The following ZNF462 variants were observed in gnomAD, a reference collection of about 807,000 sequenced individuals.
ZNF462 encodes zinc finger PBX1-interacting protein.
ZNF462 carries 10 observed loss-of-function variants against 201.9 expected under a neutral mutation model. That is an observed-to-expected ratio of 0.05 (90% CI 0.03 to 0.08). The LOEUF (loss-of-function observed/expected upper bound fraction) is 0.08. Ranked by LOEUF, ZNF462 falls within the 10% of genes least tolerant of loss-of-function variation. The probability of loss-of-function intolerance (pLI) is 1.00; values close to 1 mark genes in which losing one functional copy is unlikely to be tolerated. For synonymous variants in ZNF462, 1,227 were observed against 1,193.3 expected (o/e 1.03, Z -0.58); for missense variants, 2,523 against 3,168.3 (o/e 0.80, Z 4.89).
chr9:106,983,529 G>C (rs911627878), intron 9 of ZNF462, among the ~76,000 whole-genome samples: 1 of 152,106 alleles, frequency 6.6e-6, no homozygotes, highest in East Asian at 1.9e-4. Flanking sequence ...ACCTTAGAAG[G>C]GGAAATGAGA....
intron 1 of ZNF462, among the ~76,000 whole-genome samples, chr9:106,912,157 G>A (rs16925926): frequency 6.6e-6 from 1 of 152,122 alleles, no homozygotes; most frequent in Non-Finnish European, 1.5e-5. Context: ...CAGTGACTTT[G>A]TTGGCAGTGC....
chr9:107,007,336 T>C (rs1250479887), intron 11 of ZNF462, among the ~76,000 whole-genome samples: 1 of 152,200 alleles, frequency 6.6e-6, no homozygotes, highest in Non-Finnish European at 1.5e-5. Context: ...TATTTTACCC[T>C]ACTTGGCAGC....
In ZNF462 at chr9:106,925,805, A is replaced by G; in HGVS notation, c.1893A>G (p.Lys631=). 1 of 1,614,224 alleles carries G rather than the reference A, an allele frequency of 6.2e-7. No individual in the cohort carries two copies. The highest frequency in any genetic ancestry group is 1.1e-5 in the South Asian group (1 of 91,086). The change falls in exon 3 of 13, where the codon AAA becomes AAG. Residue 631 remains lysine (K), a synonymous_variant. Coordinates refer to ENST00000277225, the MANE Select transcript of ZNF462 (RefSeq NM_021224.6). This position sits in a 1 kb window ranked among gnomAD's most constrained non-coding sequence, Gnocchi z 7.9. ...ATTCATTCTGTGACAACTTGCCAAA[A>G]TTCGAGGGGCAGCCCTCAAGCCTAC... ...HKHSFCDNLP[K]FEGQPSSLPL...
At chr9:106,980,502 G>A (rs1301036003) in intron 9 of ZNF462, among the ~76,000 whole-genome samples, 1 of 152,182 alleles carries the variant, frequency 6.6e-6, no homozygotes. Context: ...CTGCAGTGGT[G>A]TGGTTTCTCG....
rs777250716 is a variant in ZNF462 at position 106,930,518 on chromosome 9, T to C, written c.5848-7T>C. On this transcript the variant is annotated splice_polypyrimidine_tract_variant and splice_region_variant and intron_variant, in intron 3 of 12. Coordinates refer to ENST00000277225, the MANE Select transcript of ZNF462 (RefSeq NM_021224.6). This position sits in a 1 kb window ranked among gnomAD's most constrained non-coding sequence, Gnocchi z 5.8. Reference sequence around the variant, plus strand: ...GAGTACTGATGGCTACCACTGTATTTTACCAGCCTTTTGGTCACTTAGAAG... The same window carrying C: ...GAGTACTGATGGCTACCACTGTATTCTACCAGCCTTTTGGTCACTTAGAAG... The C allele has an allele frequency of 6.2e-7, 1 of 1,614,062 alleles. No individual in the cohort carries two copies. Among genetic ancestry groups the C allele is most frequent in the Admixed American group, 1.7e-5 (1 of 60,022 alleles).
chr9:106,908,240 C>A (rs1175047970), intron 1 of ZNF462, among the ~76,000 whole-genome samples: 1 of 152,080 alleles, frequency 6.6e-6, no homozygotes, highest in Non-Finnish European at 1.5e-5. Flanking sequence ...CTATGAATTA[C>A]ATGAATTTTA....
chr9:106,988,190 T>C (rs115319730), intron 10 of ZNF462, among the ~76,000 whole-genome samples: 1 of 152,120 alleles, frequency 6.6e-6, no homozygotes, highest in Non-Finnish European at 1.5e-5. Context: ...TAGTTCCAGG[T>C]GGCTGGGGAA....
rs1321372096 is a variant in ZNF462 at position 106,919,836 on chromosome 9, T to A, written c.-30-3518T>A. ...GAGGTCTATTTGACCTTGAAGGGCCTAGACATATATCTGGGGTAGAAGACA... is the reference window on the plus strand; with the variant it reads ...GAGGTCTATTTGACCTTGAAGGGCCAAGACATATATCTGGGGTAGAAGACA... On this transcript the variant is annotated intron_variant, in intron 1 of 12. Transcript: ENST00000277225. This position sits in a 1 kb window ranked among gnomAD's most constrained non-coding sequence, Gnocchi z 4.5. Among the ~76,000 whole-genome samples, 3 of 152,216 alleles carry A rather than the reference T, an allele frequency of 2.0e-5. No individual in the cohort carries two copies. The East Asian group carries it at 5.8e-4, about 29-fold the overall frequency.
At chr9:106,982,361 C>T (rs543097890) in intron 9 of ZNF462, among the ~76,000 whole-genome samples, 8 of 152,228 alleles carry the variant, frequency 5.3e-5, no homozygotes, top group Non-Finnish European at 1.0e-4. Flanking sequence ...ACAGGCTGGC[C>T]CCCCACAACA....
At chr9:106,952,203 A>G (rs960501420) in intron 7 of ZNF462, among the ~76,000 whole-genome samples, 1 of 152,108 alleles carries the variant, frequency 6.6e-6, no homozygotes, top group Non-Finnish European at 1.5e-5. Context: ...CCTATCACAC[A>G]TGCATGTCCT....
At chr9:106,875,811 A>G (rs1224799521) in intron 1 of ZNF462, among the ~76,000 whole-genome samples, 1 of 152,216 alleles carries the variant, frequency 6.6e-6, no homozygotes, top group East Asian at 1.9e-4. Flanking sequence ...TATATGGGAA[A>G]ATAATGCACT....
Position 106,927,740 on chromosome 9 carries a change from C to T in ZNF462, c.3828C>T (p.Tyr1276=). Residue 1276 remains tyrosine, a synonymous_variant, in exon 3 of 13, where the codon TAC becomes TAT. Transcript: ENST00000277225. The part of the protein sequence containing the change: ...KCRQCSYTSP[Y]FYALRKHIKK... ...GGCAGTGCTCATATACCTCCCCCTA[C>T]TTCTATGCACTGAGGAAGCATATCA... 1.9e-6 allele frequency: 3 copies of T among 1,614,128 alleles called. No homozygotes were observed. The highest frequency in any genetic ancestry group is 2.2e-5 in the East Asian group (1 of 44,864).
At position 106,925,399 on chromosome 9, in the gene ZNF462, C is replaced by T. The variant is rs75986156; in HGVS notation, c.1487C>T (p.Thr496Met). 502 of 1,614,164 alleles carry T rather than the reference C, an allele frequency of 3.1e-4. 3 individuals are homozygous for T. In the East Asian group the frequency reaches 0.01, roughly 33 times the overall value. Residue 496 changes from threonine to methionine, a missense_variant, in exon 3 of 13, where the codon ACG (threonine) becomes ATG (methionine). By Grantham distance (81) the Thr-to-Met change is moderately conservative. Coordinates refer to ENST00000277225, the MANE Select transcript of ZNF462 (RefSeq NM_021224.6). This position sits in a 1 kb window ranked among gnomAD's most constrained non-coding sequence, Gnocchi z 7.9. ...GAHKQCHTGT[T>M]SDWDAVNSQS... ...CACAAACAGTGTCACACGGGTACAA[C>T]GTCAGATTGGGATGCTGTGAATTCC...
chr9:106,942,972 A>G (rs1830937506), intron 7 of ZNF462, among the ~76,000 whole-genome samples: 1 of 151,960 alleles, frequency 6.6e-6, no homozygotes. Flanking sequence ...AATAGTTACT[A>G]TGATGCATTT....
At chr9:106,901,347 G>C (rs1399418808) in intron 1 of ZNF462, among the ~76,000 whole-genome samples, 1 of 152,130 alleles carries the variant, frequency 6.6e-6, no homozygotes, top group Non-Finnish European at 1.5e-5. Context: ...AAATCAGGTA[G>C]TGTGATGCCT....
In ZNF462 at chr9:106,864,096, CT is replaced by C. The variant is rs1564062742; in HGVS notation, c.-31+742del. On this transcript the variant is annotated intron_variant, in intron 1 of 12. Transcript: ENST00000277225. Reference sequence around the variant, plus strand: ...TCTCTCTCTCTCTCTCTCTCTCTCTCTCTCTCTCTCTCTCCCTCTCCCCGAA... The same window carrying C: ...TCTCTCTCTCTCTCTCTCTCTCTCTCCTCTCTCTCTCTCCCTCTCCCCGAA... 1.3e-3 allele frequency among the ~76,000 whole-genome samples: 161 copies of C among 127,294 alleles called. 10 individuals carry two copies. Among genetic ancestry groups the C allele is most frequent in the East Asian group, 2.2e-3 (10 of 4,602 alleles). The allele number at this position is 127,294 out of a possible 152,430, so 83.5% of individuals were successfully genotyped here.
chr9:107,003,277 G>C lies in ZNF462; in HGVS notation c.7057-17G>C, dbSNP rs201107737. The C allele has an allele frequency of 6.2e-7, 1 of 1,613,212 alleles. No homozygotes were observed. The highest frequency in any genetic ancestry group is 2.2e-5 in the East Asian group (1 of 44,862). On this transcript the variant is annotated splice_polypyrimidine_tract_variant and intron_variant, in intron 10 of 12. Transcript: ENST00000277225. The surrounding 1 kb of genome is among the most constrained non-coding windows in gnomAD (Gnocchi z 4.4). ...TCTGCGGTTTATTATTCCATCATTT[G>C]TTTGGGCCTTTTTCAGGTAAGCCGT... is the stretch of plus-strand genomic sequence containing the variant.
chr9:106,895,407 T>G lies in ZNF462; in HGVS notation c.-30-27947T>G, dbSNP rs890138459. ...CCCAGTGCGTCGTCTGGCCCAGGCT[T>G]CCTTTATCTCTTCCCTGGACCATCT... On this transcript the variant is annotated intron_variant, in intron 1 of 12. Transcript: ENST00000277225. The surrounding 1 kb of genome is among the most constrained non-coding windows in gnomAD (Gnocchi z 4.4). Among the ~76,000 whole-genome samples the G allele has an allele frequency of 1.3e-5, 2 of 152,184 alleles. No individual in the cohort carries two copies. The highest frequency in any genetic ancestry group is 2.9e-5 in the Non-Finnish European group (2 of 68,030).
chr9:106,904,109 C>T (rs759218504), intron 1 of ZNF462, among the ~76,000 whole-genome samples: 4 of 151,998 alleles, frequency 2.6e-5, no homozygotes, highest in Non-Finnish European at 5.9e-5. Context: ...TAGCAGTTCT[C>T]GTAGTGGTGG....
Sources: gnomAD v4.1 joint callset for allele counts (sites outside exome capture counted in the v4.1 genomes callset) on GRCh38, gnomAD v4.1.1 for gene constraint, Gnocchi (gnomAD v3.1) non-coding constraint, MANE v1.5 for transcripts, NCBI Gene and HGNC (gene_info 2026-07-23, HGNC 2026-07-21) for gene names.